The following HIPK3 variants were observed in gnomAD, a reference collection of about 807,000 sequenced individuals.
HIPK3 encodes the protein homeodomain interacting protein kinase 3, also known as homeodomain-interacting protein kinase 3.
A neutral mutation model predicts 124.2 loss-of-function variants in HIPK3; 47 were observed. That is an observed-to-expected ratio of 0.38 (90% CI 0.30 to 0.48). The LOEUF (loss-of-function observed/expected upper bound fraction) is 0.48. Among genes scored for constraint, HIPK3 ranks in the 20% least tolerant of loss-of-function variants. HIPK3 has a pLI of 0.98. For synonymous variants in HIPK3, 482 were observed against 515.2 expected, an observed-to-expected ratio of 0.94 and a Z score of 0.87; for missense variants, 1,286 against 1,454.3, an observed-to-expected ratio of 0.88 and a Z score of 1.88.
At chr11:33,339,142 A>G (rs986333556) in intron 5 of HIPK3, among the ~76,000 whole-genome samples, 4 of 152,244 alleles carry the variant, frequency 2.6e-5, no homozygotes, top group African/African-American at 7.2e-5. Context: ...TTAATTTTTA[A>G]AAACTTCTTT....
At chr11:33,290,814 T>C (rs1851679001) in intron 2 of HIPK3, among the ~76,000 whole-genome samples, 1 of 152,134 alleles carries the variant, frequency 6.6e-6, no homozygotes, top group Non-Finnish European at 1.5e-5. Context: ...AATCTATGAA[T>C]AATTGCTAAA....
chr11:33,276,123 A>G (rs548234020), intron 1 of HIPK3, among the ~76,000 whole-genome samples: 18 of 152,390 alleles, frequency 1.2e-4, no homozygotes, highest in East Asian at 3.8e-4. Flanking sequence ...AGATTATTCA[A>G]ATGTTAACAT....
At position 33,338,213 on chromosome 11, in the gene HIPK3, A is replaced by G. The variant is rs767319727; in HGVS notation, c.1342-544A>G. Among the ~76,000 whole-genome samples the G allele has an allele frequency of 2.6e-5, 4 of 152,160 alleles. No individual in the cohort carries two copies. The South Asian group carries it at 8.3e-4, about 32-fold the overall frequency. The stretch of plus-strand genomic sequence containing the variant: ...TGGAGGAATCAGTAAATCCTCAATA[A>G]TTAACTTCATAAACAGTTATTATTA... On this transcript the variant is annotated intron_variant, in intron 4 of 16. Coordinates refer to ENST00000303296, the MANE Select transcript of HIPK3 (RefSeq NM_005734.5).
intron 2 of HIPK3, among the ~76,000 whole-genome samples, chr11:33,321,777 ATCT>A (rs1852669531): frequency 2.0e-5 from 3 of 152,168 alleles, no homozygotes. Context: ...CCTTTAGATA[ATCT>A]TCTGAGTGTG....
At chr11:33,268,659 C>T (rs772256326) in intron 1 of HIPK3, among the ~76,000 whole-genome samples, 1 of 148,036 alleles carries the variant, frequency 6.8e-6, no homozygotes, top group Non-Finnish European at 1.5e-5. Context: ...GGTATGATGA[C>T]ATGATTAATT....
At chr11:33,260,940 T>A (rs531961728) in intron 1 of HIPK3, among the ~76,000 whole-genome samples, 2 of 151,742 alleles carry the variant, frequency 1.3e-5, no homozygotes, top group Non-Finnish European at 2.9e-5. Context: ...ACTAAAACTT[T>A]GTTAAAATGG....
At chr11:33,300,229 C>G (rs1259124284) in intron 2 of HIPK3, among the ~76,000 whole-genome samples, 2 of 151,614 alleles carry the variant, frequency 1.3e-5, no homozygotes, top group Admixed American at 1.3e-4. Flanking sequence ...GCTTGTAATC[C>G]CAGCTACTCG....
intron 2 of HIPK3, among the ~76,000 whole-genome samples, chr11:33,303,947 A>G (rs1852078143): frequency 1.3e-5 from 2 of 152,042 alleles, no homozygotes; most frequent in Non-Finnish European, 2.9e-5. Flanking sequence ...GTGTATATAT[A>G]TATATTATGT....
At chr11:33,293,541 GT>G (rs927982922) in intron 2 of HIPK3, among the ~76,000 whole-genome samples, 8 of 150,590 alleles carry the variant, frequency 5.3e-5, no homozygotes, top group South Asian at 2.1e-4. Context: ...TTTCGACTGA[GT>G]TTTTTTTTCA....
At chr11:33,338,075 G>T (rs1231832471) in intron 4 of HIPK3, among the ~76,000 whole-genome samples, 1 of 152,146 alleles carries the variant, frequency 6.6e-6, no homozygotes, top group Non-Finnish European at 1.5e-5. Flanking sequence ...ACTTTTATGT[G>T]TATAACTACA....
intron 1 of HIPK3, among the ~76,000 whole-genome samples, chr11:33,268,513 C>T (rs1019506589): frequency 6.9e-6 from 1 of 144,416 alleles, no homozygotes; most frequent in Non-Finnish European, 1.5e-5. Flanking sequence ...ATCATTTGAA[C>T]CTAGGAGTTA....
chr11:33,302,891 A>G (rs1282225912), intron 2 of HIPK3, among the ~76,000 whole-genome samples: 2 of 152,190 alleles, frequency 1.3e-5, no homozygotes, highest in African/African-American at 4.8e-5. Context: ...TTAGATTGTA[A>G]GACAGTAATA....
intron 1 of HIPK3, among the ~76,000 whole-genome samples, chr11:33,280,025 AG>A (rs745989265): frequency 6.6e-6 from 1 of 152,076 alleles, no homozygotes; most frequent in Non-Finnish European, 1.5e-5. Context: ...GGGGGAGCTG[AG>A]GGGAGGTGGG....
chr11:33,294,450 A>G (rs1430061891), intron 2 of HIPK3, among the ~76,000 whole-genome samples: 1 of 151,794 alleles, frequency 6.6e-6, no homozygotes, highest in African/African-American at 2.4e-5. Context: ...ACCTTTTCCT[A>G]CAGGGTGTGA....
At chr11:33,312,432 C>A (rs1362199676) in intron 2 of HIPK3, among the ~76,000 whole-genome samples, 1 of 152,090 alleles carries the variant, frequency 6.6e-6, no homozygotes, top group South Asian at 2.1e-4. Flanking sequence ...CGTATGATAT[C>A]AAAAACCTGA....
intron 2 of HIPK3, among the ~76,000 whole-genome samples, chr11:33,304,321 G>T (rs1320532699): frequency 3.3e-5 from 5 of 152,346 alleles, no homozygotes; most frequent in Non-Finnish European, 7.4e-5. Context: ...ACTTTGGGAA[G>T]CCGAGGCGGG....
rs572445631 is a variant in HIPK3, at chr11:33,353,180, G to C, written c.3260G>C (p.Ser1087Thr). Reference protein sequence around the residue: ...QQAYIPTSVTSNPFTLSHGSP... With the variant: ...QQAYIPTSVTTNPFTLSHGSP... ...GCTTATATTCCTACTAGTGTTACCAGTAATCCATTCACTCTTTCTCATGGA... is the reference window on the plus strand; with the variant it reads ...GCTTATATTCCTACTAGTGTTACCACTAATCCATTCACTCTTTCTCATGGA... Residue 1087 changes from serine (S) to threonine (T), a missense_variant, in exon 17 of 17, where the codon AGT becomes ACT. Transcript: ENST00000303296. 13 of 1,613,868 alleles carry C rather than the reference G, an allele frequency of 8.1e-6. No individual in the cohort carries two copies. Among genetic ancestry groups the C allele is most frequent in the Non-Finnish European group, 9.3e-6 (11 of 1,179,936 alleles).
At chr11:33,302,935 G>A (rs1039296385) in intron 2 of HIPK3, among the ~76,000 whole-genome samples, 1 of 152,142 alleles carries the variant, frequency 6.6e-6, no homozygotes, top group African/African-American at 2.4e-5. Context: ...TAGGCATAGG[G>A]CAAAAACATT....
At chr11:33,286,390 CCT>C (rs1565063674) in intron 1 of HIPK3, 21 bp from the exon 2 acceptor site, 5 of 1,194,698 alleles carry the variant, frequency 4.2e-6, no homozygotes, top group East Asian at 5.7e-5. Flanking sequence ...TTTTTCTTTT[CCT>C]TTTTTTTTTT....
Sources: gnomAD v4.1 joint callset for allele counts (sites outside exome capture counted in the v4.1 genomes callset) on GRCh38, gnomAD v4.1.1 for gene constraint, MANE v1.5 for transcripts, NCBI Gene and HGNC (gene_info 2026-07-23, HGNC 2026-07-21) for gene names.